Variants in KDELR3 observed in about 807,000 individuals in gnomAD.
KDELR3 encodes the protein KDEL endoplasmic reticulum protein retention receptor 3, also known as ER lumen protein-retaining receptor 3.
In KDELR3, 26 loss-of-function variants were observed where a neutral mutation model predicts 22.7. The ratio of observed to expected loss-of-function variants is 1.15; its 90% confidence interval spans 0.84 to 1.59. The LOEUF (loss-of-function observed/expected upper bound fraction) is 1.59, where lower values mean the gene tolerates loss of function less well. Ranked by LOEUF, KDELR3 falls within the 40% of genes most tolerant of loss-of-function variation. The pLI is 0.00. For synonymous variants in KDELR3, 120 were observed against 98.2 expected (o/e 1.22, Z -1.31); for missense variants, 289 against 251.1 (o/e 1.15, Z -1.02).
At position 38,482,680 on chromosome 22, in the gene KDELR3, C is replaced by A. The variant is rs1368413031; in HGVS notation, c.*144C>A. 6 of 710,666 alleles carry A rather than the reference C, an allele frequency of 8.4e-6. No individual in the cohort carries two copies. The highest frequency in any genetic ancestry group is 1.4e-5 in the Non-Finnish European group (6 of 415,078). 44.0% of individuals were successfully genotyped at this position (710,666 alleles called of 1,614,324 possible). ...GTGGATTTCAGCAAAACCTGATCAT[C>A]CCACCCAGAAGACCTTCTCATCAAT... On this transcript the variant is annotated 3_prime_UTR_variant, in exon 5 of 5. Transcript: ENST00000216014.
rs144793274 is a variant in KDELR3, at chr22:38,483,298, G to A, written c.*762G>A. The A allele has an allele frequency of 6.6e-6, 1 of 152,028 alleles. No homozygotes were observed. Among genetic ancestry groups the A allele is most frequent in the African/African-American group, 2.4e-5 (1 of 41,342 alleles). The allele number at this position is 152,028 out of a possible 1,614,324, so 9.4% of individuals were successfully genotyped here. ...GCTAGGGTTTTCAATTCCAATTCTT[G>A]TATTAAGTTTTTTCCTTTCAGTTTT... On this transcript the variant is annotated 3_prime_UTR_variant, in exon 5 of 5. Coordinates refer to ENST00000216014, the MANE Select transcript of KDELR3 (RefSeq NM_006855.4).
At chr22:38,476,081 C>T (rs564465162) in intron 2 of KDELR3, among the ~76,000 whole-genome samples, 1 of 152,146 alleles carries the variant, frequency 6.6e-6, no homozygotes, top group South Asian at 2.1e-4. Flanking sequence ...AGGCACGCAC[C>T]ACCATGCCTG....
Position 38,481,285 on chromosome 22 carries a change from G to C in KDELR3, c.425G>C (p.Gly142Ala). The C allele has an allele frequency of 6.2e-7, 1 of 1,614,166 alleles. No homozygotes were observed. Among genetic ancestry groups the C allele is most frequent in the South Asian group, 1.1e-5 (1 of 91,074 alleles). ...LPQLFMISKT[G>A]EAETITTHYL... ...CAGCTCTTCATGATCAGCAAGACTGGAGAGGCTGAGACCATAACTACTCAC... is the reference window on the plus strand; with the variant it reads ...CAGCTCTTCATGATCAGCAAGACTGCAGAGGCTGAGACCATAACTACTCAC... Residue 142 changes from glycine to alanine, a missense_variant, in exon 4 of 5, where the codon GGA becomes GCA. Transcript: ENST00000216014.
At position 38,483,104 on chromosome 22, in the gene KDELR3, C is replaced by T. The variant is rs995615316; in HGVS notation, c.*568C>T. 1 of 153,238 alleles carries T rather than the reference C, an allele frequency of 6.5e-6. No individual in the cohort carries two copies. Among genetic ancestry groups the T allele is most frequent in the African/African-American group, 2.4e-5 (1 of 41,440 alleles). The allele number at this position is 153,238 out of a possible 1,614,324, so 9.5% of individuals were successfully genotyped here. A position where few individuals can be genotyped will look rare whatever the true frequency, so the allele number is the denominator to read the frequency against. On this transcript the variant is annotated 3_prime_UTR_variant, in exon 5 of 5. Transcript: ENST00000216014. ...GTTTGGCTGGAGGAGTTTTGTGACT[C>T]ATCTTTTACTGGTTTGAATTTTTTC...
chr22:38,476,223 G>T (rs529403060), intron 2 of KDELR3, among the ~76,000 whole-genome samples: 1 of 151,834 alleles, frequency 6.6e-6, no homozygotes, highest in South Asian at 2.1e-4. Context: ...TCAGCTAGGA[G>T]TCTTTTTTTT....
chr22:38,480,915 C>G (rs752907355), intron 3 of KDELR3, among the ~76,000 whole-genome samples: 11 of 150,266 alleles, frequency 7.3e-5, no homozygotes, highest in Non-Finnish European at 1.3e-4. Flanking sequence ...TGGGTGACAA[C>G]AGCAAGACCC....
rs1194984327 is a variant in KDELR3 at position 38,483,329 on chromosome 22, C to A, written c.*793C>A. The A allele has an allele frequency of 6.6e-6, 1 of 152,064 alleles. No individual in the cohort carries two copies. The highest frequency in any genetic ancestry group is 2.4e-5 in the African/African-American group (1 of 41,408). 9.4% of individuals were successfully genotyped at this position (152,064 alleles called of 1,614,324 possible). Reference sequence around the variant, plus strand: ...AGTTTTTTCCTTTCAGTTTTAGGTGCGAAAGTAATCAGTCAATCCAATATC... The same window carrying A: ...AGTTTTTTCCTTTCAGTTTTAGGTGAGAAAGTAATCAGTCAATCCAATATC... On this transcript the variant is annotated 3_prime_UTR_variant, in exon 5 of 5. Transcript: ENST00000216014.
chr22:38,471,705 T>C (rs2089526122), intron 1 of KDELR3, among the ~76,000 whole-genome samples: 1 of 152,208 alleles, frequency 6.6e-6, no homozygotes, highest in South Asian at 2.1e-4. Flanking sequence ...GGCTTACCCA[T>C]GTAATCCCAG....
At chr22:38,476,707 A>T (rs1365137081) in intron 2 of KDELR3, among the ~76,000 whole-genome samples, 1 of 147,730 alleles carries the variant, frequency 6.8e-6, no homozygotes, top group Non-Finnish European at 1.5e-5. Context: ...GTATTTTTTG[A>T]TAGAGACGGG....
intron 1 of KDELR3, among the ~76,000 whole-genome samples, chr22:38,469,444 A>G (rs560736983): frequency 1.3e-5 from 2 of 152,322 alleles, no homozygotes; most frequent in Admixed American, 6.5e-5. Flanking sequence ...AAAGGCACAG[A>G]GCAGGGGGAG....
In KDELR3 at chr22:38,478,625, T is replaced by C. The variant is rs1489810558; in HGVS notation, c.193-968T>C. The stretch of plus-strand genomic sequence containing the variant: ...TTGGGGCAAGGGAAGAGACAGCATC[T>C]GTGATTTTTTTTTTTTTTTTTTTTT... On this transcript the variant is annotated intron_variant, in intron 2 of 4. Coordinates refer to ENST00000216014, the MANE Select transcript of KDELR3 (RefSeq NM_006855.4). Among the ~76,000 whole-genome samples the C allele has an allele frequency of 7.3e-5, 9 of 123,224 alleles. No homozygotes were observed. The East Asian group carries it at 1.4e-3, about 19-fold the overall frequency. The allele number at this position is 123,224 out of a possible 152,430, so 80.8% of individuals were successfully genotyped here. A position where few individuals can be genotyped will look rare whatever the true frequency, so the allele number is the denominator to read the frequency against.
In KDELR3 at chr22:38,482,641, GAA is replaced by G. The variant is rs745572587; in HGVS notation, c.*108_*109del. 6.1e-5 allele frequency: 65 copies of G among 1,061,678 alleles called. No individual in the cohort carries two copies. In the African/African-American group the frequency reaches 7.4e-4, roughly 12 times the overall value. The allele number at this position is 1,061,678 out of a possible 1,614,324, so 65.8% of individuals were successfully genotyped here. On this transcript the variant is annotated 3_prime_UTR_variant, in exon 5 of 5. Transcript: ENST00000216014. ...AATTTGGGATCAAATGTTAAAACCA[GAA>G]AAGTGTTTAGTGTGGATTTCAGCAA...
chr22:38,479,812 C>T, intron 3 of KDELR3, 61 bp downstream of exon 3: 1 of 1,508,666 alleles, frequency 6.6e-7, no homozygotes. Flanking sequence ...ATCCTTCCCT[C>T]CAGACCCTGG....
chr22:38,474,343 T>A, intron 1 of KDELR3, 180 bp from the exon 2 acceptor site: 1 of 560,244 alleles, frequency 1.8e-6, no homozygotes. Flanking sequence ...ACGACTCAAG[T>A]GATCCGATGG....
chr22:38,468,697 C>T (rs991200758), intron 1 of KDELR3, among the ~76,000 whole-genome samples: 4 of 152,142 alleles, frequency 2.6e-5, no homozygotes, highest in South Asian at 4.1e-4. Flanking sequence ...GAACGGCCCA[C>T]GATTCTCAAG....
chr22:38,481,181 TCA>T (rs774523036), intron 3 of KDELR3, 29 bp from the exon 4 acceptor site: 6 of 1,584,668 alleles, frequency 3.8e-6, no homozygotes, highest in Non-Finnish European at 4.3e-6. Flanking sequence ...TTGGTCTTGC[TCA>T]GTCTCTGGTT....
intron 4 of KDELR3, among the ~76,000 whole-genome samples, chr22:38,482,158 G>A (rs1410956896): frequency 2.6e-5 from 4 of 152,174 alleles, no homozygotes; most frequent in Non-Finnish European, 5.9e-5. Context: ...GACTAGCTAT[G>A]GGGCAGTTGC....
Position 38,479,732 on chromosome 22 carries a change from A to G in KDELR3, c.332A>G (p.Tyr111Cys), listed in dbSNP as rs762005807. 1 of 1,613,764 alleles carries G rather than the reference A, an allele frequency of 6.2e-7. No individual in the cohort carries two copies. The highest frequency in any genetic ancestry group is 8.5e-7 in the Non-Finnish European group (1 of 1,179,906). The change falls in exon 3 of 5, where the codon TAC becomes TGC. Residue 111 changes from tyrosine (Y) to cysteine (C), a missense_variant. Coordinates refer to ENST00000216014, the MANE Select transcript of KDELR3 (RefSeq NM_006855.4). ...ATTGGCCTTTCCTTCCTTGAAAACT[A>G]CAGTTTCACTCTGCTGGAGGTAAGG... ...PVIGLSFLEN[Y>C]SFTLLEILWT...
chr22:38,473,083 C>A (rs554685964), intron 1 of KDELR3, among the ~76,000 whole-genome samples: 1 of 152,166 alleles, frequency 6.6e-6, no homozygotes, highest in Admixed American at 6.6e-5. Context: ...ATCTAACATT[C>A]TTTCAAAATA....
Sources: allele counts gnomAD v4.1 joint callset (sites outside exome capture counted in the v4.1 genomes callset), GRCh38; gene constraint gnomAD v4.1.1; transcripts MANE v1.5; gene names NCBI Gene and HGNC (gene_info 2026-07-23, HGNC 2026-07-21).